The following CACNA1C variants were observed in gnomAD, a reference collection of about 807,000 sequenced individuals.
The protein encoded by CACNA1C is voltage-dependent L-type calcium channel subunit alpha-1C.
CACNA1C carries 30 observed loss-of-function variants against 229.0 expected under a neutral mutation model. That is an observed-to-expected ratio of 0.13 (90% CI 0.10 to 0.18). CACNA1C has a LOEUF of 0.18. Ranked by LOEUF, CACNA1C falls within the 10% of genes least tolerant of loss-of-function variation. CACNA1C has a pLI of 1.00. For synonymous variants in CACNA1C, 1,114 were observed against 1,132.5 expected, an observed-to-expected ratio of 0.98 and a Z score of 0.33; for missense variants, 1,658 against 2,845.0, an observed-to-expected ratio of 0.58 and a Z score of 9.49.
chr12:2,256,255 T>G (rs971202718), intron 3 of CACNA1C, among the ~76,000 whole-genome samples: 1 of 152,196 alleles, frequency 6.6e-6, no homozygotes, highest in African/African-American at 2.4e-5. Context: ...GCCTTGCACA[T>G]ATTAAATTTT....
rs1325766205 is a variant in CACNA1C at position 2,067,054 on chromosome 12, C to T, written c.49+13443C>T. Among the ~76,000 whole-genome samples the T allele has an allele frequency of 6.6e-6, 1 of 152,096 alleles. No homozygotes were observed. The highest frequency in any genetic ancestry group is 2.4e-5 in the African/African-American group (1 of 41,420). The stretch of plus-strand genomic sequence containing the variant: ...AGGTCTGGAAGCATGAGTTAGGGGC[C>T]AGGAGTGATTGGCATTCCTAGAGAA... On this transcript the variant is annotated intron_variant, in intron 1 of 46. Coordinates refer to ENST00000399655, the MANE Select transcript of CACNA1C (RefSeq NM_000719.7). The surrounding 1 kb of genome is among the most constrained non-coding windows in gnomAD (Gnocchi z 5.3).
Position 2,405,527 on chromosome 12 carries a change from C to T in CACNA1C, c.478-43449C>T, listed in dbSNP as rs946602190. ...GGCTTTTCTTGCGTTTCTGTGGATT[C>T]GTTGAACATTTTTTAGAACTCCATT... is the stretch of plus-strand genomic sequence containing the variant. On this transcript the variant is annotated intron_variant, in intron 3 of 46. Transcript: ENST00000399655. 7.9e-5 allele frequency among the ~76,000 whole-genome samples: 12 copies of T among 152,114 alleles called. No homozygotes were observed. In the South Asian group the frequency reaches 1.2e-3, roughly 16 times the overall value.
chr12:2,648,639 C>A, intron 31 of CACNA1C, 132 bp downstream of exon 31: 1 of 772,566 alleles, frequency 1.3e-6, no homozygotes, highest in Non-Finnish European at 2.3e-6. Flanking sequence ...CTGTGTCTGC[C>A]GTGTGCCTTG....
Position 2,679,879 on chromosome 12 carries a change from C to A in CACNA1C, c.5444+83C>A. On this transcript the variant is annotated intron_variant, in intron 42 of 46. Transcript: ENST00000399655. The surrounding 1 kb of genome is among the most constrained non-coding windows in gnomAD (Gnocchi z 5.5). ...AGGAGACAGTGGAGGAGACGGAGGC[C>A]TCGGCCAGCCACTTGTCCCTCAAGC... The A allele has an allele frequency of 1.0e-6, 1 of 993,552 alleles. No homozygotes were observed. The highest frequency in any genetic ancestry group is 1.5e-6 in the Non-Finnish European group (1 of 678,556). 61.5% of individuals were successfully genotyped at this position (993,552 alleles called of 1,614,324 possible).
chr12:2,062,142 A>T (rs1052840483), intron 1 of CACNA1C, among the ~76,000 whole-genome samples: 4 of 152,080 alleles, frequency 2.6e-5, no homozygotes, highest in Admixed American at 1.3e-4. Context: ...ATATGTTTTA[A>T]TTTTTCTCTA....
At chr12:2,638,114 G>T (rs1603185610) in intron 30 of CACNA1C, among the ~76,000 whole-genome samples, 1 of 152,194 alleles carries the variant, frequency 6.6e-6, no homozygotes, top group East Asian at 1.9e-4. Flanking sequence ...TTGCATTGTA[G>T]AAGGGAATAA....
At chr12:2,356,974 T>C (rs931642339) in intron 3 of CACNA1C, among the ~76,000 whole-genome samples, 1 of 152,228 alleles carries the variant, frequency 6.6e-6, no homozygotes, top group Non-Finnish European at 1.5e-5. Context: ...GCATCCTTTC[T>C]GTCCACTTCT....
chr12:2,648,321 G>A lies in CACNA1C; in HGVS notation c.3913-154G>A, dbSNP rs535889461. The stretch of plus-strand genomic sequence containing the variant: ...ACCCCACACTCATGGGGACGCCCCA[G>A]GACCTGCCAGGCCTACGCTTTCACG... On this transcript the variant is annotated intron_variant, in intron 30 of 46. Coordinates refer to ENST00000399655, the MANE Select transcript of CACNA1C (RefSeq NM_000719.7). Among the ~76,000 whole-genome samples, 7 of 152,314 alleles carry A rather than the reference G, an allele frequency of 4.6e-5. No individual in the cohort carries two copies. The South Asian group carries it at 1.5e-3, about 32-fold the overall frequency.
chr12:2,202,733 C>A (rs922485525), intron 3 of CACNA1C, among the ~76,000 whole-genome samples: 6 of 152,092 alleles, frequency 3.9e-5, no homozygotes, highest in African/African-American at 1.4e-4. Flanking sequence ...CATCCTTGGA[C>A]GCTTATTTAA....
intron 8 of CACNA1C, among the ~76,000 whole-genome samples, chr12:2,508,673 T>A (rs1018622606): frequency 1.6e-4 from 24 of 151,942 alleles, no homozygotes; most frequent in Admixed American, 3.3e-4. Flanking sequence ...AAAGAAAAAA[T>A]TTTTAATGGA....
rs951821737 is a variant in CACNA1C at position 2,575,117 on chromosome 12, G to T, written c.1896-6473G>T. 2.6e-5 allele frequency among the ~76,000 whole-genome samples: 4 copies of T among 152,172 alleles called. No individual in the cohort carries two copies. Among genetic ancestry groups the T allele is most frequent in the Non-Finnish European group, 5.9e-5 (4 of 68,024 alleles). ...TGACCAGGTTACACTCCCCATGCAG[G>T]TTCCGTTCTTAATGTGACCGAGACA... On this transcript the variant is annotated intron_variant, in intron 13 of 46. Transcript: ENST00000399655. This position sits in a 1 kb window ranked among gnomAD's most constrained non-coding sequence, Gnocchi z 4.0.
intron 1 of CACNA1C, among the ~76,000 whole-genome samples, chr12:2,063,326 A>G (rs1417333490): frequency 6.6e-6 from 1 of 151,896 alleles, no homozygotes; most frequent in Non-Finnish European, 1.5e-5. Flanking sequence ...TTATTTTTGT[A>G]TTTTTAGTAG....
intron 3 of CACNA1C, among the ~76,000 whole-genome samples, chr12:2,325,909 C>T (rs1020219123): frequency 3.3e-5 from 5 of 152,214 alleles, no homozygotes; most frequent in Admixed American, 6.5e-5. Flanking sequence ...CGCCACCAGC[C>T]GCTACTGTGT....
rs216026 is a variant in CACNA1C at position 2,639,961 on chromosome 12, T to G, written c.3912+5581T>G. 0.76 allele frequency among the ~76,000 whole-genome samples: 115,394 copies of G among 152,006 alleles called. 44,063 individuals carry two copies. The highest frequency in any genetic ancestry group is 0.82 in the Admixed American group (12,481 of 15,288). On this transcript the variant is annotated intron_variant, in intron 30 of 46. Coordinates refer to ENST00000399655, the MANE Select transcript of CACNA1C (RefSeq NM_000719.7). The surrounding 1 kb of genome is among the most constrained non-coding windows in gnomAD (Gnocchi z 4.2). ...GCCCTGGAGCTTCTGGGCACAGCTC[T>G]CAGGAGGAATTGCTGGAGGCTTTGC...
intron 3 of CACNA1C, among the ~76,000 whole-genome samples, chr12:2,288,404 T>C (rs1165702109): frequency 6.6e-6 from 1 of 152,202 alleles, no homozygotes; most frequent in African/African-American, 2.4e-5. Context: ...CTAGAAAGCA[T>C]GGTCAGTTGC....
At chr12:2,170,127 A>G (rs2096415223) in intron 3 of CACNA1C, among the ~76,000 whole-genome samples, 1 of 152,208 alleles carries the variant, frequency 6.6e-6, no homozygotes, top group Non-Finnish European at 1.5e-5. Context: ...TGAAAGCCTC[A>G]TGTCCAACCA....
chr12:2,580,752 GA>G (rs2060191423), intron 13 of CACNA1C, among the ~76,000 whole-genome samples: 1 of 152,190 alleles, frequency 6.6e-6, no homozygotes, highest in Admixed American at 6.5e-5. Context: ...GAATCCCACT[GA>G]AAGCCCATGT....
At chr12:2,613,920 A>T in intron 29 of CACNA1C, 1 of 152,314 alleles carries the variant, frequency 6.6e-6, no homozygotes, top group East Asian at 1.9e-4. Context: ...ATATGGTTTA[A>T]ATATTTCAAA....
At chr12:2,004,496 A>C in intron 1 of CACNA1C, 1 of 1,526,110 alleles carries the variant, frequency 6.6e-7, no homozygotes. Flanking sequence ...TCGCAGAACG[A>C]GCGAGCTGCC....
Sources: gnomAD v4.1 joint callset for allele counts (sites outside exome capture counted in the v4.1 genomes callset) on GRCh38, gnomAD v4.1.1 for gene constraint, Gnocchi (gnomAD v3.1) non-coding constraint, MANE v1.5 for transcripts, NCBI Gene and HGNC (gene_info 2026-07-23, HGNC 2026-07-21) for gene names.